Variants in ARID1B observed in about 807,000 individuals in gnomAD.
ARID1B encodes AT-rich interaction domain 1B.
In ARID1B, 30 loss-of-function variants were observed where a neutral mutation model predicts 212.3. That is an observed-to-expected ratio of 0.14 (90% CI 0.11 to 0.19). The LOEUF is 0.19. Ranked by LOEUF, ARID1B falls within the 10% of genes least tolerant of loss-of-function variation. The pLI is 1.00. For synonymous variants in ARID1B, 1,402 were observed against 1,301.7 expected (o/e 1.08, Z -1.66); for missense variants, 2,891 against 3,204.0 (o/e 0.90, Z 2.36).
intron 3 of ARID1B, among the ~76,000 whole-genome samples, chr6:156,918,388 A>C (rs1009573821): frequency 2.6e-5 from 4 of 152,206 alleles, no homozygotes; most frequent in African/African-American, 9.7e-5. Context: ...TGTTCATTTC[A>C]CTTATTTTAA....
chr6:156,796,279 TA>T (rs1780371739), intron 1 of ARID1B, among the ~76,000 whole-genome samples: 1 of 152,164 alleles, frequency 6.6e-6, no homozygotes, highest in Non-Finnish European at 1.5e-5. Flanking sequence ...TGACTGTGCC[TA>T]ACCCATCTCA....
intron 4 of ARID1B, among the ~76,000 whole-genome samples, chr6:157,033,446 G>A (rs886771669): frequency 6.6e-6 from 1 of 152,330 alleles, no homozygotes; most frequent in Admixed American, 6.5e-5. Context: ...CGATAATGCT[G>A]CTAGAATTAG....
chr6:157,015,499 CATATCTG>C lies in ARID1B; in HGVS notation c.2248-69158_2248-69152del, dbSNP rs570831450. Among the ~76,000 whole-genome samples the C allele has an allele frequency of 1.7e-3, 256 of 152,270 alleles. 1 individual carries two copies. Among genetic ancestry groups the C allele is most frequent in the Non-Finnish European group, 2.7e-3 (185 of 68,032 alleles). On this transcript the variant is annotated intron_variant, in intron 4 of 19. Transcript: ENST00000636930. ...CACCACAATATTTGATATTTGAAGC[CATATCTG>C]ATATTCTCCTGGGTGTGAATGAGAT...
intron 4 of ARID1B, among the ~76,000 whole-genome samples, chr6:156,960,908 T>A (rs1794329085): frequency 1.3e-5 from 2 of 152,184 alleles, no homozygotes; most frequent in South Asian, 4.1e-4. Context: ...AGTGTTTTCC[T>A]CTCTAGTTAA....
intron 4 of ARID1B, among the ~76,000 whole-genome samples, chr6:156,966,089 A>G (rs1353361323): frequency 6.6e-6 from 1 of 152,204 alleles, no homozygotes; most frequent in African/African-American, 2.4e-5. Context: ...CTTTTCAATA[A>G]GTGGGACTGG....
At chr6:157,162,367 C>T (rs780659855) in intron 8 of ARID1B, among the ~76,000 whole-genome samples, 13 of 152,174 alleles carry the variant, frequency 8.5e-5, no homozygotes, top group Non-Finnish European at 1.6e-4. Flanking sequence ...TGGAAATAGT[C>T]GCTTGAAAAC....
At chr6:156,841,539 G>A (rs1783903819) in intron 2 of ARID1B, among the ~76,000 whole-genome samples, 1 of 152,130 alleles carries the variant, frequency 6.6e-6, no homozygotes, top group African/African-American at 2.4e-5. Context: ...ATGAGAAGTT[G>A]CCTCTGGATG....
In ARID1B at chr6:156,942,306, T is replaced by TA. The variant is rs1792735405; in HGVS notation, c.2247+6731dup. ...TTAAGTAAGAGATGATAAATGCAGA[T>TA]ATTCCTGGCTAATAGAAAAGTCAGC... On this transcript the variant is annotated intron_variant, in intron 4 of 19. Coordinates refer to ENST00000636930, the MANE Select transcript of ARID1B (RefSeq NM_001374828.1). 2.0e-5 allele frequency: 3 copies of TA among 152,250 alleles called. No homozygotes were observed. In the South Asian group the frequency reaches 6.2e-4, roughly 32 times the overall value. 9.4% of individuals were successfully genotyped at this position (152,250 alleles called of 1,614,324 possible).
At chr6:157,177,159 A>C (rs1331380107) in intron 11 of ARID1B, among the ~76,000 whole-genome samples, 3 of 152,152 alleles carry the variant, frequency 2.0e-5, no homozygotes, top group Non-Finnish European at 4.4e-5. Context: ...CTGTACCATA[A>C]ATAGTTTTAA....
chr6:156,782,334 G>C (rs1014976152), intron 1 of ARID1B, among the ~76,000 whole-genome samples: 1 of 152,020 alleles, frequency 6.6e-6, no homozygotes, highest in Middle Eastern at 3.4e-3. Context: ...TCGTAATTGG[G>C]ACAAAACGTG....
chr6:157,200,561 T>G lies in ARID1B; in HGVS notation c.4480-144T>G, dbSNP rs1057126961. 3 of 869,564 alleles carry G rather than the reference T, an allele frequency of 3.5e-6. No individual in the cohort carries two copies. In the African/African-American group the frequency reaches 5.1e-5, roughly 15 times the overall value. The allele number at this position is 869,564 out of a possible 1,614,324, so 53.9% of individuals were successfully genotyped here. A position where few individuals can be genotyped will look rare whatever the true frequency, so the allele number is the denominator to read the frequency against. On this transcript the variant is annotated intron_variant, in intron 17 of 19. Transcript: ENST00000636930. This position sits in a 1 kb window ranked among gnomAD's most constrained non-coding sequence, Gnocchi z 4.3. The stretch of plus-strand genomic sequence containing the variant: ...TAATACTGAAATATTGAACATAAAT[T>G]GTTAGTTCTCTGTTGTTATAGGAGC...
intron 4 of ARID1B, among the ~76,000 whole-genome samples, chr6:156,951,329 A>T (rs1013250378): frequency 6.6e-6 from 1 of 152,248 alleles, no homozygotes; most frequent in Non-Finnish European, 1.5e-5. Flanking sequence ...AACCATGATA[A>T]TGCAGTTACT....
chr6:157,089,119 T>C (rs747040034), intron 5 of ARID1B, among the ~76,000 whole-genome samples: 1 of 152,236 alleles, frequency 6.6e-6, no homozygotes, highest in Non-Finnish European at 1.5e-5. Flanking sequence ...GCAGCTGTTA[T>C]GTAGCTGATA....
intron 13 of ARID1B, among the ~76,000 whole-genome samples, chr6:157,188,506 T>C (rs762433769): frequency 6.6e-6 from 1 of 152,116 alleles, no homozygotes; most frequent in Non-Finnish European, 1.5e-5. Context: ...GCCACTAGAG[T>C]AAAATGTGAA....
intron 12 of ARID1B, among the ~76,000 whole-genome samples, chr6:157,182,300 A>G (rs564383605): frequency 2.6e-5 from 4 of 152,308 alleles, no homozygotes; most frequent in Admixed American, 1.3e-4. Flanking sequence ...TAGCCCAGGG[A>G]CACTCACAGG....
chr6:157,199,273 G>GA (rs1213772886), intron 17 of ARID1B, among the ~76,000 whole-genome samples: 1 of 152,168 alleles, frequency 6.6e-6, no homozygotes, highest in Non-Finnish European at 1.5e-5. Context: ...GCTTTAAGGA[G>GA]AATGTGTAGA....
At position 157,203,983 on chromosome 6, in the gene ARID1B, T is replaced by A; in HGVS notation, c.5381T>A (p.Phe1794Tyr). Residue 1794 changes from phenylalanine (F) to tyrosine (Y), a missense_variant, in exon 19 of 20, where the codon TTC (phenylalanine) becomes TAC (tyrosine). Transcript: ENST00000636930. The surrounding 1 kb of genome is among the most constrained non-coding windows in gnomAD (Gnocchi z 4.4). Reference protein sequence around the residue: ...LLYDDSTVATFNLSQLSGFLE... With the variant: ...LLYDDSTVATYNLSQLSGFLE... ...TATGATGACAGCACTGTTGCTACTT[T>A]CAATCTCTCCCAGGTAAGCCAGCAT... The A allele has an allele frequency of 6.2e-7, 1 of 1,614,084 alleles. No homozygotes were observed. The highest frequency in any genetic ancestry group is 8.5e-7 in the Non-Finnish European group (1 of 1,179,960).
intron 6 of ARID1B, among the ~76,000 whole-genome samples, chr6:157,121,138 C>G (rs553383899): frequency 6.6e-6 from 1 of 152,174 alleles, no homozygotes; most frequent in Non-Finnish European, 1.5e-5. Flanking sequence ...AGTTTTATTT[C>G]CCCAAATTTC....
At chr6:156,966,265 G>T (rs568280878) in intron 4 of ARID1B, among the ~76,000 whole-genome samples, 1 of 152,042 alleles carries the variant, frequency 6.6e-6, no homozygotes, top group Admixed American at 6.5e-5. Context: ...TAAGATTTAA[G>T]AAGGCATACT....
Sources: allele counts gnomAD v4.1 joint callset (sites outside exome capture counted in the v4.1 genomes callset), GRCh38; gene constraint gnomAD v4.1.1; non-coding constraint Gnocchi (gnomAD v3.1); transcripts MANE v1.5; gene names NCBI Gene and HGNC (gene_info 2026-07-23, HGNC 2026-07-21).